The following HELZ variants were observed in gnomAD, a reference collection of about 807,000 sequenced individuals.
HELZ encodes helicase with zinc finger, also known as ATP-dependent RNA helicase with zinc finger domain.
HELZ carries 23 observed loss-of-function variants against 218.2 expected under a neutral mutation model. That is an observed-to-expected ratio of 0.11 (90% CI 0.08 to 0.15). The LOEUF (loss-of-function observed/expected upper bound fraction) is 0.15, where lower values mean the gene tolerates loss of function less well. HELZ is among the 10% of genes least tolerant of loss of function. HELZ has a pLI of 1.00. For missense variants in HELZ, 1,813 were observed against 2,353.7 expected (o/e 0.77, Z 4.75); for synonymous variants, 814 against 829.4 (o/e 0.98, Z 0.32).
chr17:67,209,428 T>A (rs1448459659), intron 5 of HELZ, among the ~76,000 whole-genome samples: 1 of 151,954 alleles, frequency 6.6e-6, no homozygotes, highest in Non-Finnish European at 1.5e-5. Flanking sequence ...TGAAACCCCG[T>A]CACTACTAAA....
At chr17:67,195,660 G>T (rs1004964522) in intron 7 of HELZ, among the ~76,000 whole-genome samples, 190 bp from the exon 8 acceptor site, 3 of 151,686 alleles carry the variant, frequency 2.0e-5, no homozygotes, top group African/African-American at 7.3e-5. Flanking sequence ...AAACATATTT[G>T]TGAGGCTCTC....
Position 67,195,548 on chromosome 17 carries a change from T to TC in HELZ, c.430-79_430-78insG. ...AACTAAACTTGAACATTTTCAATAT[T>TC]AAAACAAAGGTGAAGTTGGAATACT... On this transcript the variant is annotated intron_variant, in intron 7 of 32. Transcript: ENST00000358691. The TC allele has an allele frequency of 3.7e-6, 3 of 811,334 alleles. No individual in the cohort carries two copies. In the South Asian group the frequency reaches 4.6e-5, roughly 12 times the overall value. The allele number at this position is 811,334 out of a possible 1,614,324, so 50.3% of individuals were successfully genotyped here. A position where few individuals can be genotyped will look rare whatever the true frequency, so the allele number is the denominator to read the frequency against.
At chr17:67,181,529 A>G (rs2039612790) in intron 12 of HELZ, among the ~76,000 whole-genome samples, 1 of 152,226 alleles carries the variant, frequency 6.6e-6, no homozygotes, top group Non-Finnish European at 1.5e-5. Context: ...ATACTTCATA[A>G]ATGTATACAA....
At chr17:67,209,737 G>T (rs1598427908) in intron 5 of HELZ, among the ~76,000 whole-genome samples, 1 of 95,964 alleles carries the variant, frequency 1.0e-5, no homozygotes, top group African/African-American at 4.9e-5. Flanking sequence ...GTGCTCTTAA[G>T]CAAGTAACTT....
intron 27 of HELZ, among the ~76,000 whole-genome samples, chr17:67,115,576 G>T (rs1203129771): frequency 6.6e-6 from 1 of 151,924 alleles, no homozygotes; most frequent in Admixed American, 6.6e-5. Context: ...AAAAAGACTT[G>T]TTACATACAG....
intron 27 of HELZ, among the ~76,000 whole-genome samples, chr17:67,119,673 A>G (rs1232030480): frequency 6.6e-6 from 1 of 152,212 alleles, no homozygotes; most frequent in Non-Finnish European, 1.5e-5. Context: ...TTGTAATTCT[A>G]GCAGACTTGT....
intron 8 of HELZ, 126 bp from the exon 9 acceptor site, chr17:67,194,168 C>T: frequency 1.5e-6 from 1 of 662,430 alleles, no homozygotes; most frequent in Non-Finnish European, 2.6e-6. Context: ...AAGAACATGA[C>T]ATACTTGCCT....
chr17:67,145,725 C>CA lies in HELZ; in HGVS notation c.2769+17dup, dbSNP rs1172008371. 6.3e-7 allele frequency: 1 copy of CA among 1,576,050 alleles called. No homozygotes were observed. The highest frequency in any genetic ancestry group is 1.4e-5 in the African/African-American group (1 of 73,404). On this transcript the variant is annotated intron_variant, in intron 21 of 32. Transcript: ENST00000358691. ...TGACTGAGAAAATGTTAACAATTTACAAAAAGAATTAAGGTACCTCTGCAT... is the reference window on the plus strand; with the variant it reads ...TGACTGAGAAAATGTTAACAATTTACAAAAAAGAATTAAGGTACCTCTGCAT...
intron 19 of HELZ, among the ~76,000 whole-genome samples, chr17:67,149,156 T>G (rs2038599006): frequency 6.6e-6 from 1 of 152,224 alleles, no homozygotes; most frequent in Non-Finnish European, 1.5e-5. Flanking sequence ...CTTGATCTTA[T>G]GAAGTATAAG....
At chr17:67,191,367 C>A (rs1440289993) in intron 9 of HELZ, among the ~76,000 whole-genome samples, 18 of 152,102 alleles carry the variant, frequency 1.2e-4, no homozygotes. Context: ...TTTTAAAGGA[C>A]AGAGAGTCAA....
intron 26 of HELZ, among the ~76,000 whole-genome samples, chr17:67,122,389 C>CA (rs964154123): frequency 1.3e-5 from 2 of 152,054 alleles, no homozygotes; most frequent in East Asian, 1.9e-4. Flanking sequence ...ACTAAAAATA[C>CA]AAAAAAATTA....
chr17:67,226,239 C>T (rs1230440982), intron 3 of HELZ, among the ~76,000 whole-genome samples: 16 of 129,856 alleles, frequency 1.2e-4, no homozygotes, highest in African/African-American at 3.6e-4. Flanking sequence ...AGCCTAGCAA[C>T]AGGGTGAGAC....
intron 5 of HELZ, among the ~76,000 whole-genome samples, chr17:67,214,558 G>A (rs1352201024): frequency 6.6e-6 from 1 of 151,020 alleles, no homozygotes; most frequent in Non-Finnish European, 1.5e-5. Context: ...GAGCCACCAC[G>A]CCCGGCCTAA....
chr17:67,245,447 C>G, upstream of HELZ: 2 of 983,998 alleles, frequency 2.0e-6, no homozygotes, highest in African/African-American at 1.7e-5. Flanking sequence ...CTCCCTGCCC[C>G]CACGCCCGGT....
At chr17:67,125,482 G>A (rs75136954) in intron 24 of HELZ, among the ~76,000 whole-genome samples, 2,753 of 151,206 alleles carry the variant, frequency 0.018, 82 homozygotes, top group African/African-American at 0.063. Flanking sequence ...CACACACACT[G>A]ACAGAAGAAA....
At chr17:67,132,490 T>C (rs1243353737) in intron 23 of HELZ, among the ~76,000 whole-genome samples, 1 of 152,186 alleles carries the variant, frequency 6.6e-6, no homozygotes, top group African/African-American at 2.4e-5. Flanking sequence ...TTGAAGTCAA[T>C]CTGACACCTG....
At chr17:67,139,785 G>A (rs978108296) in intron 21 of HELZ, among the ~76,000 whole-genome samples, 4 of 152,174 alleles carry the variant, frequency 2.6e-5, no homozygotes, top group Admixed American at 2.0e-4. Context: ...CGGCCAAGGG[G>A]CAATTCCCAT....
chr17:67,108,780 A>G lies in HELZ; in HGVS notation c.4490-54T>C, dbSNP rs1679083030. 3 of 1,355,888 alleles carry G rather than the reference A, an allele frequency of 2.2e-6. No individual in the cohort carries two copies. The highest frequency in any genetic ancestry group is 1.0e-6 in the Non-Finnish European group (1 of 990,852). The allele number at this position is 1,355,888 out of a possible 1,614,324, so 84.0% of individuals were successfully genotyped here. A position where few individuals can be genotyped will look rare whatever the true frequency, so the allele number is the denominator to read the frequency against. On this transcript the variant is annotated intron_variant, in intron 29 of 32. Transcript: ENST00000358691. This position sits in a 1 kb window ranked among gnomAD's most constrained non-coding sequence, Gnocchi z 4.1. Reference sequence around the variant, plus strand: ...ATGAATTTGGGGTTTCAAGTTCATTATTTAAAGTTTTTTACTAACATATTT... The same window carrying G: ...ATGAATTTGGGGTTTCAAGTTCATTGTTTAAAGTTTTTTACTAACATATTT...
At chr17:67,206,977 A>G (rs190684738) in intron 5 of HELZ, among the ~76,000 whole-genome samples, 161 of 149,620 alleles carry the variant, frequency 1.1e-3, no homozygotes, top group African/African-American at 3.7e-3. Flanking sequence ...CAGTGGTATG[A>G]TATCAGCGGA....
Sources: gnomAD v4.1 joint callset for allele counts (sites outside exome capture counted in the v4.1 genomes callset) on GRCh38, gnomAD v4.1.1 for gene constraint, Gnocchi (gnomAD v3.1) non-coding constraint, MANE v1.5 for transcripts, NCBI Gene and HGNC (gene_info 2026-07-23, HGNC 2026-07-21) for gene names.